The following CACNB2 variants were observed in gnomAD, a reference collection of about 807,000 sequenced individuals.
The protein encoded by CACNB2 is calcium voltage-gated channel auxiliary subunit beta 2.
In CACNB2, 42 loss-of-function variants were observed where a neutral mutation model predicts 73.3. The observed-to-expected ratio is 0.57, with a 90% confidence interval of 0.45 to 0.74. The LOEUF (loss-of-function observed/expected upper bound fraction) is 0.74. Among genes scored for constraint, CACNB2 ranks in the 30% least tolerant of loss-of-function variants. The probability of loss-of-function intolerance (pLI) is 0.00; values close to 1 mark genes in which losing one functional copy is unlikely to be tolerated. For synonymous variants in CACNB2, 348 were observed against 310.3 expected, an observed-to-expected ratio of 1.12 and a Z score of -1.28; for missense variants, 940 against 853.0, an observed-to-expected ratio of 1.10 and a Z score of -1.27.
chr10:18,489,692 G>A lies in CACNB2; in HGVS notation c.334-8663G>A, dbSNP rs547488257. Among the ~76,000 whole-genome samples the A allele has an allele frequency of 6.2e-4, 94 of 152,224 alleles. 1 individual carries two copies. The highest frequency in any genetic ancestry group is 3.4e-3 in the Middle Eastern group (1 of 294). On this transcript the variant is annotated intron_variant, in intron 3 of 13. Transcript: ENST00000324631. ...ACAGCACATTGTTTGTCCCTTGGCC[G>A]ACATTCCGAAAGTGGTAGCTTTCAT...
rs1306821389 is a variant in CACNB2, at chr10:18,442,981, T to C, written c.333+40938T>C. 3.7e-4 allele frequency among the ~76,000 whole-genome samples: 6 copies of C among 16,340 alleles called. No homozygotes were observed. The African/African-American group carries it at 4.5e-3, about 12-fold the overall frequency. 10.7% of individuals were successfully genotyped at this position (16,340 alleles called of 152,430 possible). On this transcript the variant is annotated intron_variant, in intron 3 of 13. Transcript: ENST00000324631. ...ATGTATATATATATGTGTATATATA[T>C]ATATGTATATATATATGTGTATATA...
At chr10:18,306,719 T>G (rs2039743635) in intron 2 of CACNB2, among the ~76,000 whole-genome samples, 1 of 152,150 alleles carries the variant, frequency 6.6e-6, no homozygotes, top group African/African-American at 2.4e-5. Flanking sequence ...AGTGAGGGCT[T>G]CTTTGTTGCC....
intron 2 of CACNB2, among the ~76,000 whole-genome samples, chr10:18,391,026 T>G (rs893008294): frequency 6.6e-6 from 1 of 152,232 alleles, no homozygotes; most frequent in African/African-American, 2.4e-5. Context: ...TAATCATATT[T>G]TCAAAATATA....
intron 2 of CACNB2, among the ~76,000 whole-genome samples, chr10:18,162,601 G>T (rs2131099721): frequency 6.6e-6 from 1 of 152,280 alleles, no homozygotes. Context: ...TAACATCAGG[G>T]ATCTGAACAC....
chr10:18,539,170 G>A, intron 13 of CACNB2, 60 bp from the exon 14 acceptor site: 3 of 1,609,174 alleles, frequency 1.9e-6, no homozygotes, highest in Non-Finnish European at 2.5e-6. Flanking sequence ...CACTTGCTCT[G>A]GGACATGTTC....
chr10:18,180,398 T>G lies in CACNB2; in HGVS notation c.213+29423T>G, dbSNP rs553988809. On this transcript the variant is annotated intron_variant, in intron 2 of 13. Transcript: ENST00000324631. ...TACTTCAAATCTCCTTGTCTTTTTC[T>G]TTTACGTCAGGCAGGATGATATAAT... Among the ~76,000 whole-genome samples, 4 of 152,232 alleles carry G rather than the reference T, an allele frequency of 2.6e-5. No individual in the cohort carries two copies. In the South Asian group the frequency reaches 8.3e-4, roughly 32 times the overall value.
intron 2 of CACNB2, among the ~76,000 whole-genome samples, chr10:18,171,198 G>T (rs1371218911): frequency 6.6e-6 from 1 of 152,150 alleles, no homozygotes; most frequent in African/African-American, 2.4e-5. Flanking sequence ...CCAGGCATTA[G>T]GGTCTCTTCT....
intron 3 of CACNB2, among the ~76,000 whole-genome samples, chr10:18,417,749 T>C (rs1287767298): frequency 6.6e-6 from 1 of 152,176 alleles, no homozygotes; most frequent in African/African-American, 2.4e-5. Context: ...CTTAATACTA[T>C]TTGAATATGC....
At chr10:18,466,542 T>G (rs1025491456) in intron 3 of CACNB2, among the ~76,000 whole-genome samples, 6 of 152,202 alleles carry the variant, frequency 3.9e-5, no homozygotes, top group African/African-American at 7.2e-5. Context: ...TCATGGTTGT[T>G]AATTTTTGAA....
At position 18,542,434 on chromosome 10, in the gene CACNB2, C is replaced by A. The variant is rs1483531082; in HGVS notation, c.*2710C>A. The A allele has an allele frequency of 6.6e-6, 1 of 152,156 alleles. No individual in the cohort carries two copies. Among genetic ancestry groups the A allele is most frequent in the Non-Finnish European group, 1.5e-5 (1 of 68,020 alleles). The allele number at this position is 152,156 out of a possible 1,614,324, so 9.4% of individuals were successfully genotyped here. ...GGTAAGAGATTCACAATTATTAGTT[C>A]AATCCTTTATTATTTCATCCCAATT... On this transcript the variant is annotated 3_prime_UTR_variant, in exon 14 of 14. Transcript: ENST00000324631.
At chr10:18,176,934 A>G (rs1003466002) in intron 2 of CACNB2, among the ~76,000 whole-genome samples, 1 of 151,976 alleles carries the variant, frequency 6.6e-6, no homozygotes, top group African/African-American at 2.4e-5. Flanking sequence ...GGTTAGGGGT[A>G]CAGAATTCCA....
intron 3 of CACNB2, among the ~76,000 whole-genome samples, chr10:18,450,923 C>A (rs1356739983): frequency 4.6e-5 from 7 of 152,182 alleles, no homozygotes; most frequent in African/African-American, 1.7e-4. Context: ...AGGCATGAGC[C>A]ACCACGCCCA....
At chr10:18,290,999 T>A (rs976114308) in intron 2 of CACNB2, among the ~76,000 whole-genome samples, 2 of 152,232 alleles carry the variant, frequency 1.3e-5, no homozygotes, top group African/African-American at 2.4e-5. Context: ...CTATTTTTCT[T>A]ACCTTATAAA....
chr10:18,476,658 A>G (rs1478934476), intron 3 of CACNB2, among the ~76,000 whole-genome samples: 3 of 152,166 alleles, frequency 2.0e-5, no homozygotes, highest in Non-Finnish European at 2.9e-5. Flanking sequence ...CCCCTTTGTA[A>G]ATGAAAACTT....
At chr10:18,509,449 G>T (rs776719113) in intron 6 of CACNB2, among the ~76,000 whole-genome samples, 1 of 152,078 alleles carries the variant, frequency 6.6e-6, no homozygotes, top group Non-Finnish European at 1.5e-5. Flanking sequence ...GTGTACATAT[G>T]TGTCAAGCCC....
At chr10:18,426,830 T>A (rs1453991263) in intron 3 of CACNB2, among the ~76,000 whole-genome samples, 1 of 152,178 alleles carries the variant, frequency 6.6e-6, no homozygotes, top group Non-Finnish European at 1.5e-5. Flanking sequence ...AAGCATGTAT[T>A]TGATTTGGGT....
At chr10:18,292,975 A>G (rs1239643446) in intron 2 of CACNB2, among the ~76,000 whole-genome samples, 2 of 152,242 alleles carry the variant, frequency 1.3e-5, no homozygotes, top group East Asian at 1.9e-4. Flanking sequence ...GGAAAAATAA[A>G]TAATTCCATC....
chr10:18,480,853 A>G (rs1823352834), intron 3 of CACNB2, among the ~76,000 whole-genome samples: 2 of 152,190 alleles, frequency 1.3e-5, no homozygotes, highest in African/African-American at 4.8e-5. Context: ...TTTTCTAACC[A>G]CATAGGAGAC....
At chr10:18,214,887 C>T (rs910530094) in intron 2 of CACNB2, among the ~76,000 whole-genome samples, 1 of 152,126 alleles carries the variant, frequency 6.6e-6, no homozygotes, top group African/African-American at 2.4e-5. Flanking sequence ...GCTGAATGTC[C>T]CTGTGTCATG....
Sources: allele counts gnomAD v4.1 joint callset (sites outside exome capture counted in the v4.1 genomes callset), GRCh38; gene constraint gnomAD v4.1.1; transcripts MANE v1.5; gene names NCBI Gene and HGNC (gene_info 2026-07-23, HGNC 2026-07-21).